The following RAB40B variants were observed in gnomAD, a reference collection of about 807,000 sequenced individuals.
The protein encoded by RAB40B is RAB40B, member RAS oncogene family.
Under a neutral mutation model 24.0 loss-of-function variants are expected in RAB40B, and 21 were observed. The ratio of observed to expected loss-of-function variants is 0.88; its 90% confidence interval spans 0.62 to 1.26. RAB40B has a LOEUF of 1.26. RAB40B is among the 50% of genes most tolerant of loss of function. The probability of loss-of-function intolerance (pLI) is 0.00; values close to 1 mark genes in which losing one functional copy is unlikely to be tolerated. For synonymous variants in RAB40B, 167 were observed against 169.8 expected, an observed-to-expected ratio of 0.98 and a Z score of 0.13; for missense variants, 348 against 390.5, an observed-to-expected ratio of 0.89 and a Z score of 0.92.
chr17:82,683,355 G>T (rs1266258556), intron 1 of RAB40B, among the ~76,000 whole-genome samples: 1 of 152,140 alleles, frequency 6.6e-6, no homozygotes, highest in African/African-American at 2.4e-5. Flanking sequence ...TTCTTTAAAA[G>T]ATACTAAATG....
chr17:82,666,570 A>G (rs2046260154), intron 1 of RAB40B, among the ~76,000 whole-genome samples: 2 of 152,146 alleles, frequency 1.3e-5, no homozygotes, highest in South Asian at 4.2e-4. Flanking sequence ...AGGGAAAAAT[A>G]TGTTTCCCCG....
At chr17:82,668,903 T>C (rs529715290) in intron 1 of RAB40B, among the ~76,000 whole-genome samples, 2 of 152,314 alleles carry the variant, frequency 1.3e-5, no homozygotes, top group South Asian at 4.1e-4. Flanking sequence ...GGGCCACTGC[T>C]ACCATCAGCA....
chr17:82,660,264 A>C (rs760597875), intron 3 of RAB40B, among the ~76,000 whole-genome samples: 208 of 151,978 alleles, frequency 1.4e-3, no homozygotes, highest in Non-Finnish European at 2.7e-3. Context: ...CATGCACATA[A>C]ACAGGCAAGC....
In RAB40B at chr17:82,675,211, T is replaced by C. The variant is rs1360061363; in HGVS notation, c.143-10655A>G. Among the ~76,000 whole-genome samples, 2 of 152,142 alleles carry C rather than the reference T, an allele frequency of 1.3e-5. No homozygotes were observed. Among genetic ancestry groups the C allele is most frequent in the Non-Finnish European group, 2.9e-5 (2 of 68,032 alleles). ...CAATAAACAAGAACTGGAAATAAAA[T>C]CGAACTCAGTGATAATGATTTCATT... is the stretch of plus-strand genomic sequence containing the variant. On this transcript the variant is annotated intron_variant, in intron 1 of 5. Transcript: ENST00000571995. This position sits in a 1 kb window ranked among gnomAD's most constrained non-coding sequence, Gnocchi z 4.5.
chr17:82,661,111 A>C, intron 2 of RAB40B, 64 bp from the exon 3 acceptor site: 1 of 1,572,142 alleles, frequency 6.4e-7, no homozygotes, highest in Non-Finnish European at 8.6e-7. Context: ...CAGGTTCTGG[A>C]ACTTCAGAGC....
Position 82,658,489 on chromosome 17 carries a change from A to T in RAB40B, c.565+2T>A. ...GGCCCCCGGAATAGCCCCTGGGCCT[A>T]CCCTTGCTCGGCCGCCAGAGCCGGT... On this transcript the variant is annotated splice_donor_variant, in intron 5 of 5. Coordinates refer to ENST00000571995, the MANE Select transcript of RAB40B (RefSeq NM_006822.3). LOFTEE classifies it high-confidence loss of function. 1 of 1,611,226 alleles carries T rather than the reference A, an allele frequency of 6.2e-7. No individual in the cohort carries two copies. Among genetic ancestry groups the T allele is most frequent in the Non-Finnish European group, 8.5e-7 (1 of 1,179,722 alleles).
rs895293630 is a variant in RAB40B, at chr17:82,692,521, G to A, written c.142+5934C>T. Among the ~76,000 whole-genome samples, 8 of 151,980 alleles carry A rather than the reference G, an allele frequency of 5.3e-5. No homozygotes were observed. Among genetic ancestry groups the A allele is most frequent in the African/African-American group, 1.4e-4 (6 of 41,384 alleles). ...CGGGGCACACACACAAGAGACAGGC[G>A]GGCCAACGGTGCAGACCCAGACCCA... On this transcript the variant is annotated intron_variant, in intron 1 of 5. Transcript: ENST00000571995. This position sits in a 1 kb window ranked among gnomAD's most constrained non-coding sequence, Gnocchi z 4.0.
rs544583484 is a variant in RAB40B at position 82,667,625 on chromosome 17, C to T, written c.143-3069G>A. On this transcript the variant is annotated intron_variant, in intron 1 of 5. Coordinates refer to ENST00000571995, the MANE Select transcript of RAB40B (RefSeq NM_006822.3). The surrounding 1 kb of genome is among the most constrained non-coding windows in gnomAD (Gnocchi z 4.3). ...GGCTTCCCGCATCCTCCTCTGTCTC[C>T]TGCTAAACTCCACACTCTGTCCACA... Among the ~76,000 whole-genome samples, 15 of 152,304 alleles carry T rather than the reference C, an allele frequency of 9.8e-5. No individual in the cohort carries two copies. The highest frequency in any genetic ancestry group is 2.9e-4 in the African/African-American group (12 of 41,564).
chr17:82,660,873 G>C, intron 3 of RAB40B, 114 bp downstream of exon 3: 1 of 1,339,548 alleles, frequency 7.5e-7, no homozygotes, highest in Non-Finnish European at 1.0e-6. Context: ...CAATTTATAC[G>C]TAAGCTTAAC....
At chr17:82,665,239 C>T (rs574789789) in intron 1 of RAB40B, among the ~76,000 whole-genome samples, 19 of 144,644 alleles carry the variant, frequency 1.3e-4, no homozygotes, top group Admixed American at 1.2e-3. Flanking sequence ...AAAAAAAACC[C>T]GAGAATGCCT....
At chr17:82,682,123 A>ACACACACACACACGCATG (rs2046454444) in intron 1 of RAB40B, among the ~76,000 whole-genome samples, 2 of 4,520 alleles carry the variant, frequency 4.4e-4, no homozygotes, top group Non-Finnish European at 1.7e-3. Flanking sequence ...ACACGCATGC[A>ACACACACACACACGCATG]CACACACACA....
intron 1 of RAB40B, among the ~76,000 whole-genome samples, chr17:82,684,549 G>A (rs1568042841): frequency 6.6e-6 from 1 of 152,182 alleles, no homozygotes; most frequent in Non-Finnish European, 1.5e-5. Context: ...TCCTCAGAGG[G>A]TGGGTGGGTG....
Position 82,698,626 on chromosome 17 carries a change from C to G in RAB40B, c.-30G>C. The stretch of plus-strand genomic sequence containing the variant: ...ACGGCCCGGCGCCCCCACCCATGCC[C>G]GGCCTGCGGGGCTGAGCGCAGAGGC... On this transcript the variant is annotated 5_prime_UTR_variant, in exon 1 of 6. Coordinates refer to ENST00000571995, the MANE Select transcript of RAB40B (RefSeq NM_006822.3). The G allele has an allele frequency of 7.2e-7, 1 of 1,397,272 alleles. No individual in the cohort carries two copies. The highest frequency in any genetic ancestry group is 9.5e-7 in the Non-Finnish European group (1 of 1,057,786). 86.6% of individuals were successfully genotyped at this position (1,397,272 alleles called of 1,614,324 possible). A position where few individuals can be genotyped will look rare whatever the true frequency, so the allele number is the denominator to read the frequency against.
chr17:82,670,574 G>T (rs112014024), intron 1 of RAB40B, among the ~76,000 whole-genome samples: 1 of 141,728 alleles, frequency 7.1e-6, no homozygotes, highest in African/African-American at 2.7e-5. Context: ...TTACTCTGTC[G>T]CCCAGGCTGG....
rs751227091 is a variant in RAB40B at position 82,658,000 on chromosome 17, T to C, written c.700A>G (p.Arg234Gly). ...SFSMANGLNA[R>G]MMHGGSYSLT... ...GAGTAGGAACCGCCGTGCATCATCC[T>C]GGCATTCAGGCCGTTGGCCATCGAG... The change falls in exon 6 of 6, where the codon AGG (arginine) becomes GGG (glycine). Residue 234 changes from arginine (R) to glycine (G), a missense_variant. Physicochemically the swap from Arg to Gly is moderately radical, Grantham distance 125. Coordinates refer to ENST00000571995, the MANE Select transcript of RAB40B (RefSeq NM_006822.3). 3.7e-6 allele frequency: 6 copies of C among 1,614,222 alleles called. No individual in the cohort carries two copies. In the East Asian group the frequency reaches 1.3e-4, roughly 36 times the overall value.
intron 1 of RAB40B, chr17:82,664,819 C>A (rs907255336): frequency 2.4e-6 from 1 of 424,484 alleles, no homozygotes. Flanking sequence ...GGCTCCCCGA[C>A]AGGCACTGCA....
At chr17:82,694,866 T>C (rs74925893) in intron 1 of RAB40B, among the ~76,000 whole-genome samples, 4,638 of 151,726 alleles carry the variant, frequency 0.031, 363 homozygotes, top group African/African-American at 0.11. Flanking sequence ...ATAAAGACCA[T>C]GGGCAGACAT....
At position 82,657,743 on chromosome 17, in the gene RAB40B, A is replaced by T; in HGVS notation, c.*120T>A. The T allele has an allele frequency of 8.3e-7, 1 of 1,201,736 alleles. No homozygotes were observed. The highest frequency in any genetic ancestry group is 1.2e-6 in the Non-Finnish European group (1 of 807,174). 74.4% of individuals were successfully genotyped at this position (1,201,736 alleles called of 1,614,324 possible). On this transcript the variant is annotated 3_prime_UTR_variant, in exon 6 of 6. Transcript: ENST00000571995. ...GTTTCCATCACACGGAAGGCGTCGC[A>T]CACATTCGCAAGCAGCATTCGCCGA...
In RAB40B at chr17:82,663,095, G is replaced by A. The variant is rs1372727010; in HGVS notation, c.203+1401C>T. 6.6e-6 allele frequency among the ~76,000 whole-genome samples: 1 copy of A among 152,148 alleles called. No homozygotes were observed. Among genetic ancestry groups the A allele is most frequent in the Non-Finnish European group, 1.5e-5 (1 of 68,010 alleles). ...GACAGGGGCTGACGGCAACCCCAAC[G>A]CCAGCCCAGCGAGGGCATGGCCCCG... On this transcript the variant is annotated intron_variant, in intron 2 of 5. Transcript: ENST00000571995. This position sits in a 1 kb window ranked among gnomAD's most constrained non-coding sequence, Gnocchi z 6.2.
Sources: gnomAD v4.1 joint callset for allele counts (sites outside exome capture counted in the v4.1 genomes callset) on GRCh38, gnomAD v4.1.1 for gene constraint, Gnocchi (gnomAD v3.1) non-coding constraint, MANE v1.5 for transcripts, NCBI Gene and HGNC (gene_info 2026-07-23, HGNC 2026-07-21) for gene names.